ZNF407: variants seen among roughly 807,000 people sequenced by gnomAD.
ZNF407 encodes zinc finger protein 407.
A neutral mutation model predicts 131.2 loss-of-function variants in ZNF407; 17 were observed. The observed-to-expected ratio is 0.13, with a 90% CI of 0.09 to 0.19. The LOEUF (loss-of-function observed/expected upper bound fraction) is 0.19. Ranked by LOEUF, ZNF407 falls within the 10% of genes least tolerant of loss-of-function variation. The pLI is 1.00. For synonymous variants in ZNF407, 1,156 were observed against 1,062.0 expected (o/e 1.09, Z -1.72); for missense variants, 2,681 against 2,830.6 (o/e 0.95, Z 1.20).
rs770291929 is a variant in ZNF407 at position 75,063,670 on chromosome 18, C to T, written c.5949C>T (p.Pro1983=). 9.3e-6 allele frequency: 15 copies of T among 1,609,438 alleles called. No homozygotes were observed. The highest frequency in any genetic ancestry group is 1.2e-5 in the Non-Finnish European group (14 of 1,178,654). ...TCTCGGAGGCTGGAGTCGCTCCCCC[C>T]GAGGCATCCTCAGCCCTGGATGCAT... ...LNLSEAGVAP[P]EASSALDALL... Residue 1983 remains proline (P), a synonymous_variant, in exon 9 of 9, where the codon CCC becomes CCT. Coordinates refer to ENST00000299687, the MANE Select transcript of ZNF407 (RefSeq NM_017757.3). The surrounding 1 kb of genome is among the most constrained non-coding windows in gnomAD (Gnocchi z 6.6).
intron 3 of ZNF407, among the ~76,000 whole-genome samples, chr18:74,725,898 G>A (rs958897401): frequency 2.0e-5 from 3 of 152,098 alleles, no homozygotes; most frequent in Admixed American, 6.6e-5. Context: ...TTGTGGATTG[G>A]CCTATCGACA....
intron 3 of ZNF407, among the ~76,000 whole-genome samples, chr18:74,763,041 A>T (rs971363374): frequency 6.6e-6 from 1 of 152,068 alleles, no homozygotes. Flanking sequence ...CATATCCACC[A>T]GAAGAGTTTT....
chr18:74,628,671 G>C (rs972567949), intron 1 of ZNF407, among the ~76,000 whole-genome samples: 1 of 152,044 alleles, frequency 6.6e-6, no homozygotes, highest in African/African-American at 2.4e-5. Context: ...GTGCAGCCTT[G>C]AACTCCTGGA....
In ZNF407 at chr18:75,054,465, T is replaced by G. The variant is rs1441987043; in HGVS notation, c.5429-8685T>G. 2.6e-5 allele frequency among the ~76,000 whole-genome samples: 4 copies of G among 151,940 alleles called. No homozygotes were observed. The East Asian group carries it at 7.7e-4, about 29-fold the overall frequency. On this transcript the variant is annotated intron_variant, in intron 8 of 8. Coordinates refer to ENST00000299687, the MANE Select transcript of ZNF407 (RefSeq NM_017757.3). Reference sequence around the variant, plus strand: ...ACATGACTACAAAAGTGAATGTGGGTTTTTTTATAGGGTTTTGCCAGAAAA... The same window carrying G: ...ACATGACTACAAAAGTGAATGTGGGGTTTTTTATAGGGTTTTGCCAGAAAA...
chr18:74,906,924 A>G (rs1010830343), intron 7 of ZNF407, among the ~76,000 whole-genome samples: 23 of 152,106 alleles, frequency 1.5e-4, no homozygotes, highest in African/African-American at 5.1e-4. Flanking sequence ...AGTGCCATAG[A>G]TGTATATGTG....
intron 3 of ZNF407, among the ~76,000 whole-genome samples, chr18:74,711,500 G>A (rs1388598800): frequency 6.6e-6 from 1 of 152,310 alleles, no homozygotes; most frequent in East Asian, 1.9e-4. Flanking sequence ...GGGGCCATGA[G>A]CCAGCAAGTG....
intron 8 of ZNF407, among the ~76,000 whole-genome samples, chr18:75,022,287 T>C (rs1312089146): frequency 6.6e-6 from 1 of 152,186 alleles, no homozygotes; most frequent in Non-Finnish European, 1.5e-5. Flanking sequence ...AAATTTTTTC[T>C]TTTAATGAGA....
intron 7 of ZNF407, among the ~76,000 whole-genome samples, chr18:74,892,655 G>A (rs1039076653): frequency 6.6e-6 from 1 of 152,156 alleles, no homozygotes; most frequent in Admixed American, 6.5e-5. Context: ...AACAGTTTTT[G>A]AAGTAGTTAA....
chr18:74,618,021 A>G (rs1356690969), intron 1 of ZNF407, among the ~76,000 whole-genome samples: 5 of 151,944 alleles, frequency 3.3e-5, no homozygotes, highest in African/African-American at 4.8e-5. Flanking sequence ...CTCTCCGTCC[A>G]TCTCTCCATC....
intron 8 of ZNF407, among the ~76,000 whole-genome samples, chr18:75,049,187 A>G (rs1973471005): frequency 6.6e-6 from 1 of 152,168 alleles, no homozygotes; most frequent in African/African-American, 2.4e-5. Flanking sequence ...GGCAGATTCA[A>G]ATATCTGGTA....
At chr18:74,932,841 G>A (rs192296210) in intron 8 of ZNF407, among the ~76,000 whole-genome samples, 4 of 152,092 alleles carry the variant, frequency 2.6e-5, no homozygotes, top group East Asian at 1.9e-4. Context: ...AAAAACCTAC[G>A]ACTACCACCT....
chr18:74,911,954 T>C (rs1456721199), intron 7 of ZNF407, among the ~76,000 whole-genome samples: 1 of 151,890 alleles, frequency 6.6e-6, no homozygotes, highest in African/African-American at 2.4e-5. Context: ...TTGTCTAGAG[T>C]CTCTTTCCCA....
chr18:74,864,974 A>G (rs939131492), intron 4 of ZNF407, among the ~76,000 whole-genome samples: 5 of 152,234 alleles, frequency 3.3e-5, no homozygotes, highest in Admixed American at 1.3e-4. Flanking sequence ...TTTAATTGTA[A>G]TGAACAATAT....
rs202157549 is a variant in ZNF407, at chr18:74,671,180, A to T, written c.4802+30058A>T. ...TACATTTGTCAATTCTAGGTGCCTC[A>T]TGGAAGTGGAGCCATACAGTATTTG... On this transcript the variant is annotated intron_variant, in intron 3 of 8. Coordinates refer to ENST00000299687, the MANE Select transcript of ZNF407 (RefSeq NM_017757.3). 6.6e-5 allele frequency among the ~76,000 whole-genome samples: 10 copies of T among 152,172 alleles called. No homozygotes were observed. In the East Asian group the frequency reaches 1.9e-3, roughly 29 times the overall value.
At chr18:74,930,636 T>G (rs1971972257) in intron 8 of ZNF407, among the ~76,000 whole-genome samples, 1 of 152,204 alleles carries the variant, frequency 6.6e-6, no homozygotes, top group Non-Finnish European at 1.5e-5. Flanking sequence ...TATTTCTTTT[T>G]ATCATTGTGG....
chr18:74,952,963 ATGGTCATT>A (rs1972232935), intron 8 of ZNF407, among the ~76,000 whole-genome samples: 1 of 152,206 alleles, frequency 6.6e-6, no homozygotes, highest in Admixed American at 6.5e-5. Flanking sequence ...GGAATGGAAT[ATGGTCATT>A]TGGGCTTGGA....
intron 8 of ZNF407, among the ~76,000 whole-genome samples, chr18:75,000,923 A>G (rs944658705): frequency 6.6e-6 from 1 of 152,200 alleles, no homozygotes; most frequent in Non-Finnish European, 1.5e-5. Flanking sequence ...AGGTGCGTAG[A>G]TAGCCTTTAG....
chr18:74,982,592 C>A (rs12966274), intron 8 of ZNF407, among the ~76,000 whole-genome samples: 25,157 of 152,214 alleles, frequency 0.17, 2,298 homozygotes, highest in Admixed American at 0.28. Context: ...AGCTATCACT[C>A]ATACTCCAGT....
At chr18:74,785,517 C>T (rs1252537011) in intron 4 of ZNF407, among the ~76,000 whole-genome samples, 2 of 152,160 alleles carry the variant, frequency 1.3e-5, no homozygotes, top group African/African-American at 4.8e-5. Flanking sequence ...GATGCTTATT[C>T]TAATTTATTT....
Sources: allele counts gnomAD v4.1 joint callset (sites outside exome capture counted in the v4.1 genomes callset), GRCh38; gene constraint gnomAD v4.1.1; non-coding constraint Gnocchi (gnomAD v3.1); transcripts MANE v1.5; gene names NCBI Gene and HGNC (gene_info 2026-07-23, HGNC 2026-07-21).